Variants in NRG3 observed in about 807,000 individuals in gnomAD.
NRG3 encodes the protein neuregulin 3.
In NRG3, 31 loss-of-function variants were observed where a neutral mutation model predicts 66.9. The observed-to-expected ratio is 0.46, with a 90% CI of 0.35 to 0.63. The LOEUF is 0.63. Ranked by LOEUF, NRG3 falls within the 20% of genes least tolerant of loss-of-function variation. The probability of loss-of-function intolerance (pLI) is 0.00; values close to 1 mark genes in which losing one functional copy is unlikely to be tolerated. For synonymous variants in NRG3, 393 were observed against 359.4 expected (o/e 1.09, Z -1.06); for missense variants, 910 against 878.9 (o/e 1.04, Z -0.45).
At chr10:82,346,743 T>G (rs2083051889) in intron 1 of NRG3, among the ~76,000 whole-genome samples, 1 of 151,832 alleles carries the variant, frequency 6.6e-6, no homozygotes, top group Admixed American at 6.6e-5. Flanking sequence ...CAATTTCAGA[T>G]CCTGTTATTG....
chr10:82,636,059 C>A (rs185427369), intron 2 of NRG3, among the ~76,000 whole-genome samples: 2 of 152,110 alleles, frequency 1.3e-5, no homozygotes, highest in East Asian at 3.9e-4. Context: ...TAATATTAAT[C>A]CATAAGTAAA....
chr10:82,352,833 G>A (rs966487549), intron 1 of NRG3, among the ~76,000 whole-genome samples: 2 of 151,798 alleles, frequency 1.3e-5, no homozygotes, highest in South Asian at 2.1e-4. Context: ...CGTAAGAGCC[G>A]AGATAAGCCA....
intron 3 of NRG3, among the ~76,000 whole-genome samples, chr10:82,785,364 AAAATTAAATT>A (rs943227885): frequency 1.4e-4 from 22 of 151,770 alleles, no homozygotes; most frequent in African/African-American, 5.1e-4. Context: ...TAATAATAAA[AAAATTAAATT>A]AAATTAAATT....
chr10:82,825,019 C>A (rs2062134845), intron 3 of NRG3, among the ~76,000 whole-genome samples: 1 of 152,090 alleles, frequency 6.6e-6, no homozygotes, highest in South Asian at 2.1e-4. Context: ...GTCAGTTGGT[C>A]ATTTTTTATT....
At chr10:82,172,471 G>A (rs1160999086) in intron 1 of NRG3, among the ~76,000 whole-genome samples, 4 of 152,100 alleles carry the variant, frequency 2.6e-5, no homozygotes, top group South Asian at 2.1e-4. Flanking sequence ...TGTAACATAT[G>A]TCCTTTGGGA....
chr10:81,961,527 C>A (rs922314094), intron 1 of NRG3, among the ~76,000 whole-genome samples: 4 of 152,168 alleles, frequency 2.6e-5, no homozygotes, highest in Non-Finnish European at 4.4e-5. Flanking sequence ...GCACTTCACA[C>A]ATCTCTCAAT....
chr10:82,642,017 C>T (rs564528082), intron 2 of NRG3, among the ~76,000 whole-genome samples: 1 of 152,176 alleles, frequency 6.6e-6, no homozygotes, highest in East Asian at 1.9e-4. Flanking sequence ...TATTATTCCA[C>T]ATGTGAGCAT....
chr10:82,937,804 T>A (rs1012558209), intron 4 of NRG3, among the ~76,000 whole-genome samples: 1 of 152,158 alleles, frequency 6.6e-6, no homozygotes, highest in Non-Finnish European at 1.5e-5. Flanking sequence ...GGCATATTGT[T>A]AGGTTAAAAT....
At chr10:82,931,732 G>T (rs978014138) in intron 4 of NRG3, among the ~76,000 whole-genome samples, 3 of 152,040 alleles carry the variant, frequency 2.0e-5, no homozygotes, top group African/African-American at 4.8e-5. Flanking sequence ...TATGTTTCTA[G>T]TTTTGCTCAG....
chr10:82,600,920 T>C (rs2047586808), intron 2 of NRG3, among the ~76,000 whole-genome samples: 1 of 151,962 alleles, frequency 6.6e-6, no homozygotes, highest in African/African-American at 2.4e-5. Context: ...CAATAGGAAG[T>C]TTTTCAGCCG....
At chr10:82,872,810 G>C (rs781580239) in intron 4 of NRG3, among the ~76,000 whole-genome samples, 3 of 151,700 alleles carry the variant, frequency 2.0e-5, no homozygotes, top group Non-Finnish European at 4.4e-5. Context: ...CTTAAGCTGA[G>C]TATCAGCCAA....
At chr10:82,004,557 T>C (rs537256171) in intron 1 of NRG3, among the ~76,000 whole-genome samples, 2 of 152,234 alleles carry the variant, frequency 1.3e-5, no homozygotes, top group Non-Finnish European at 2.9e-5. Context: ...GCTGATGTTT[T>C]TGTCAACAGC....
intron 1 of NRG3, among the ~76,000 whole-genome samples, chr10:81,944,833 T>C (rs1393185133): frequency 6.6e-6 from 1 of 152,136 alleles, no homozygotes; most frequent in Non-Finnish European, 1.5e-5. Flanking sequence ...TTTCAAAAAC[T>C]GGAAATCTGT....
chr10:81,947,174 G>A (rs1017925906), intron 1 of NRG3, among the ~76,000 whole-genome samples: 5 of 152,018 alleles, frequency 3.3e-5, no homozygotes, highest in African/African-American at 9.7e-5. Context: ...CTGTCTATTC[G>A]CAGTATCCAC....
At chr10:82,331,198 C>T (rs1048764192) in intron 1 of NRG3, among the ~76,000 whole-genome samples, 2 of 152,126 alleles carry the variant, frequency 1.3e-5, no homozygotes, top group Admixed American at 1.3e-4. Flanking sequence ...TCAATGCTTT[C>T]CTTCCTTTCA....
intron 4 of NRG3, among the ~76,000 whole-genome samples, chr10:82,898,579 A>T (rs954202524): frequency 6.6e-6 from 1 of 152,212 alleles, no homozygotes. Flanking sequence ...ACACATTTGC[A>T]TGATGCTCTT....
At chr10:82,165,253 C>A (rs2071949782) in intron 1 of NRG3, among the ~76,000 whole-genome samples, 1 of 151,720 alleles carries the variant, frequency 6.6e-6, no homozygotes, top group African/African-American at 2.4e-5. Context: ...AGAAGTAGTA[C>A]TGGGAGAAAT....
At chr10:82,058,297 C>T (rs2063956471) in intron 1 of NRG3, among the ~76,000 whole-genome samples, 1 of 151,724 alleles carries the variant, frequency 6.6e-6, no homozygotes, top group Admixed American at 6.6e-5. Context: ...TGTTTTTCTT[C>T]TTAAGACCTT....
chr10:82,098,056 C>T (rs12359593), intron 1 of NRG3, among the ~76,000 whole-genome samples: 9,646 of 31,404 alleles, frequency 0.31, 485 homozygotes, highest in African/African-American at 0.48. Context: ...CACATATATA[C>T]ACACACACAC....
Sources: allele counts gnomAD v4.1 joint callset (sites outside exome capture counted in the v4.1 genomes callset), GRCh38; gene constraint gnomAD v4.1.1; transcripts MANE v1.5; gene names NCBI Gene and HGNC (gene_info 2026-07-23, HGNC 2026-07-21).